NEK6: variants seen among roughly 807,000 people sequenced by gnomAD.
NEK6 encodes serine/threonine-protein kinase Nek6.
NEK6 carries 27 observed loss-of-function variants against 43.5 expected under a neutral mutation model. The observed-to-expected ratio is 0.62, with a 90% confidence interval of 0.46 to 0.86. NEK6 has a LOEUF of 0.86. Among genes scored for constraint, NEK6 ranks in the 40% least tolerant of loss-of-function variants. The pLI, the probability that NEK6 is intolerant of heterozygous loss-of-function variation, is 0.00. For missense variants in NEK6, 318 were observed against 414.4 expected (o/e 0.77, Z 2.02); for synonymous variants, 167 against 164.1 (o/e 1.02, Z -0.14).
Position 124,302,055 on chromosome 9 carries a change from G to T in NEK6, c.90+1G>T, listed in dbSNP as rs772831941. 1.3e-6 allele frequency: 2 copies of T among 1,596,312 alleles called. No individual in the cohort carries two copies. Among genetic ancestry groups the T allele is most frequent in the Non-Finnish European group, 1.7e-6 (2 of 1,169,834 alleles). The stretch of plus-strand genomic sequence containing the variant: ...GCCTGTGCATCCTCCTGACCCACAG[G>T]TAAGCCCCTTACCTTTGTCTGCAGC... On this transcript the variant is annotated splice_donor_variant, in intron 2 of 9. Transcript: ENST00000320246. LOFTEE classifies it high-confidence loss of function.
chr9:124,310,571 T>G (rs1465662717), intron 2 of NEK6, among the ~76,000 whole-genome samples: 1 of 152,242 alleles, frequency 6.6e-6, no homozygotes, highest in Non-Finnish European at 1.5e-5. Flanking sequence ...GAGGGTGTTC[T>G]GTAGAGTTCC....
chr9:124,342,726 C>T (rs1025288200), intron 8 of NEK6, among the ~76,000 whole-genome samples: 1 of 152,274 alleles, frequency 6.6e-6, no homozygotes, highest in Non-Finnish European at 1.5e-5. Flanking sequence ...TGTGTCTTGT[C>T]CCTGGGTCAG....
intron 1 of NEK6, among the ~76,000 whole-genome samples, chr9:124,284,614 C>A (rs1256134333): frequency 6.6e-6 from 1 of 152,250 alleles, no homozygotes; most frequent in African/African-American, 2.4e-5. Flanking sequence ...AGGACTGAGG[C>A]GGTCTCTATG....
chr9:124,277,781 A>T (rs1313147657), intron 1 of NEK6, among the ~76,000 whole-genome samples: 1 of 152,168 alleles, frequency 6.6e-6, no homozygotes, highest in African/African-American at 2.4e-5. Flanking sequence ...CGCAGGCCCC[A>T]TCCAGGCAGG....
At position 124,350,989 on chromosome 9, in the gene NEK6, C is replaced by T; in HGVS notation, c.*42C>T. ...CCTTATCAAAGCCAGCACCACTTTG[C>T]CTTACTTGAGTCGTCTTCTCTTCGA... On this transcript the variant is annotated 3_prime_UTR_variant, in exon 10 of 10. Transcript: ENST00000320246. 1 of 1,450,898 alleles carries T rather than the reference C, an allele frequency of 6.9e-7. No homozygotes were observed. Among genetic ancestry groups the T allele is most frequent in the Non-Finnish European group, 9.6e-7 (1 of 1,043,702 alleles). 89.9% of individuals were successfully genotyped at this position (1,450,898 alleles called of 1,614,324 possible). A position where few individuals can be genotyped will look rare whatever the true frequency, so the allele number is the denominator to read the frequency against.
In NEK6 at chr9:124,351,594, A is replaced by G. The variant is rs911915393; in HGVS notation, c.*647A>G. 1 of 152,330 alleles carries G rather than the reference A, an allele frequency of 6.6e-6. No individual in the cohort carries two copies. Among genetic ancestry groups the G allele is most frequent in the Non-Finnish European group, 1.5e-5 (1 of 68,130 alleles). The allele number at this position is 152,330 out of a possible 1,614,324, so 9.4% of individuals were successfully genotyped here. ...ATCTTCTTGGCAGCCAGGCTGGGCC[A>G]TCTTCTCCTGGACACCTGCTGTGTA... is the stretch of plus-strand genomic sequence containing the variant. On this transcript the variant is annotated 3_prime_UTR_variant, in exon 10 of 10. Coordinates refer to ENST00000320246, the MANE Select transcript of NEK6 (RefSeq NM_014397.6).
intron 7 of NEK6, among the ~76,000 whole-genome samples, chr9:124,338,233 G>A (rs1054773188): frequency 3.3e-5 from 5 of 152,152 alleles, no homozygotes; most frequent in East Asian, 3.8e-4. Flanking sequence ...CCCACACCTC[G>A]GCCTCCCAAA....
intron 7 of NEK6, among the ~76,000 whole-genome samples, chr9:124,334,758 G>A (rs371362228): frequency 2.1e-4 from 32 of 152,232 alleles, no homozygotes; most frequent in Non-Finnish European, 1.0e-4. Context: ...CTGGGGCTGG[G>A]GCTGGAGTAG....
At chr9:124,274,219 C>T (rs1309143323) in intron 1 of NEK6, among the ~76,000 whole-genome samples, 1 of 152,268 alleles carries the variant, frequency 6.6e-6, no homozygotes, top group East Asian at 1.9e-4. Flanking sequence ...ATCCAATCTG[C>T]TTCCTGCGCA....
chr9:124,352,606 G>A lies in NEK6; in HGVS notation c.*1659G>A, dbSNP rs1186949022. 3 of 151,716 alleles carry A rather than the reference G, an allele frequency of 2.0e-5. No individual in the cohort carries two copies. The highest frequency in any genetic ancestry group is 2.9e-5 in the Non-Finnish European group (2 of 67,968). The allele number at this position is 151,716 out of a possible 1,614,324, so 9.4% of individuals were successfully genotyped here. The stretch of plus-strand genomic sequence containing the variant: ...ATAATTTTGAAACTCATCATCAGCC[G>A]AGTTTCTGCCCTCATGAGGTAATTC... On this transcript the variant is annotated 3_prime_UTR_variant, in exon 10 of 10. Transcript: ENST00000320246.
chr9:124,336,825 A>G (rs1209598454), intron 7 of NEK6, among the ~76,000 whole-genome samples: 2 of 152,110 alleles, frequency 1.3e-5, no homozygotes, highest in African/African-American at 2.4e-5. Context: ...CCTGGCCAAC[A>G]TGGTGAAACT....
chr9:124,267,729 T>C (rs145144059), intron 1 of NEK6, among the ~76,000 whole-genome samples: 55 of 152,328 alleles, frequency 3.6e-4, no homozygotes, highest in Non-Finnish European at 7.1e-4. Flanking sequence ...CATGATGCCA[T>C]TCAGCAAGGG....
intron 1 of NEK6, among the ~76,000 whole-genome samples, chr9:124,283,142 C>G (rs1320193128): frequency 6.6e-6 from 1 of 152,250 alleles, no homozygotes; most frequent in Non-Finnish European, 1.5e-5. Context: ...CACTTCTCTC[C>G]TGTGAAGTAG....
chr9:124,346,592 G>A (rs1386146814), intron 8 of NEK6, among the ~76,000 whole-genome samples: 3 of 152,122 alleles, frequency 2.0e-5, no homozygotes, highest in Non-Finnish European at 2.9e-5. Flanking sequence ...CTCGGGGGGC[G>A]GTCCGGGAGG....
chr9:124,307,040 TAGTC>T (rs918445189), intron 2 of NEK6, among the ~76,000 whole-genome samples: 6 of 152,334 alleles, frequency 3.9e-5, no homozygotes, highest in South Asian at 2.1e-4. Context: ...AAGTCTGACT[TAGTC>T]AGGCTAAATT....
intron 9 of NEK6, 55 bp downstream of exon 9, chr9:124,347,877 T>A: frequency 9.5e-7 from 1 of 1,051,902 alleles, no homozygotes; most frequent in Non-Finnish European, 1.5e-6. Flanking sequence ...CCGAGGCTTA[T>A]GAGGGCCGCT....
intron 8 of NEK6, among the ~76,000 whole-genome samples, chr9:124,341,395 A>G (rs1829616726): frequency 6.9e-6 from 1 of 144,762 alleles, no homozygotes; most frequent in African/African-American, 2.5e-5. Flanking sequence ...AGAGGGTGGG[A>G]CCCCTTCTCC....
chr9:124,333,368 C>T (rs1413133590), intron 7 of NEK6, among the ~76,000 whole-genome samples: 1 of 152,154 alleles, frequency 6.6e-6, no homozygotes, highest in African/African-American at 2.4e-5. Flanking sequence ...CACCCTGCCC[C>T]CCAGTGAGAC....
Position 124,350,699 on chromosome 9 carries a change from G to A in NEK6, c.832-138G>A, listed in dbSNP as rs555937988. 2.0e-3 allele frequency: 1,446 copies of A among 706,406 alleles called. 35 individuals are homozygous for A. In the South Asian group the frequency reaches 0.021, roughly 10 times the overall value. 43.8% of individuals were successfully genotyped at this position (706,406 alleles called of 1,614,324 possible). A position where few individuals can be genotyped will look rare whatever the true frequency, so the allele number is the denominator to read the frequency against. On this transcript the variant is annotated intron_variant, in intron 9 of 9. Coordinates refer to ENST00000320246, the MANE Select transcript of NEK6 (RefSeq NM_014397.6). ...CCCTTACTTGCCCCAGCTAAACACCGTTCTTCAGCTCTAACGGGGACAACG... is the reference window on the plus strand; with the variant it reads ...CCCTTACTTGCCCCAGCTAAACACCATTCTTCAGCTCTAACGGGGACAACG...
Sources: allele counts gnomAD v4.1 joint callset (sites outside exome capture counted in the v4.1 genomes callset), GRCh38; gene constraint gnomAD v4.1.1; transcripts MANE v1.5; gene names NCBI Gene and HGNC (gene_info 2026-07-23, HGNC 2026-07-21).